Variants in SPOCK3 observed in about 807,000 individuals in gnomAD.
The protein encoded by SPOCK3 is SPARC (osteonectin), cwcv and kazal like domains proteoglycan 3.
Under a neutral mutation model 56.6 loss-of-function variants are expected in SPOCK3, and 30 were observed. The observed-to-expected ratio is 0.53, with a 90% CI of 0.40 to 0.72. SPOCK3 has a LOEUF of 0.72. Among genes scored for constraint, SPOCK3 ranks in the 30% least tolerant of loss-of-function variants. The pLI, the probability that SPOCK3 is intolerant of heterozygous loss-of-function variation, is 0.00. For synonymous variants in SPOCK3, 196 were observed against 183.3 expected (o/e 1.07, Z -0.56); for missense variants, 527 against 530.0 (o/e 0.99, Z 0.06).
intron 3 of SPOCK3, among the ~76,000 whole-genome samples, chr4:167,055,105 A>C (rs538128780): frequency 7.5e-4 from 114 of 152,290 alleles, no homozygotes; most frequent in South Asian, 3.1e-3. Flanking sequence ...TAAAAATATA[A>C]TGACAATGTA....
At chr4:167,097,192 G>T (rs1759234636) in intron 2 of SPOCK3, among the ~76,000 whole-genome samples, 1 of 151,266 alleles carries the variant, frequency 6.6e-6, no homozygotes, top group African/African-American at 2.4e-5. Flanking sequence ...TTGGGCTTTG[G>T]GTTAATATCT....
chr4:167,144,766 T>G (rs543515026), intron 2 of SPOCK3, among the ~76,000 whole-genome samples: 5 of 107,772 alleles, frequency 4.6e-5, no homozygotes, highest in African/African-American at 1.6e-4. Context: ...CAAGTGCAAT[T>G]AATCTTGATG....
chr4:166,737,464 T>C lies in SPOCK3; in HGVS notation c.1132+3A>G. 3 of 1,611,706 alleles carry C rather than the reference T, an allele frequency of 1.9e-6. No homozygotes were observed. Among genetic ancestry groups the C allele is most frequent in the Non-Finnish European group, 2.5e-6 (3 of 1,178,948 alleles). ...TTATGAAATAAGTAACCCTTCTCCT[T>C]ACCACAATCTGCAACACCATTTATT... On this transcript the variant is annotated splice_donor_region_variant and intron_variant, in intron 10 of 10. Transcript: ENST00000357545.
At chr4:166,991,305 C>T (rs1409357907) in intron 4 of SPOCK3, among the ~76,000 whole-genome samples, 1 of 151,532 alleles carries the variant, frequency 6.6e-6, no homozygotes, top group African/African-American at 2.4e-5. Context: ...TACATTTATT[C>T]CTGAAGCTGA....
chr4:166,957,222 C>T (rs890537052), intron 4 of SPOCK3, among the ~76,000 whole-genome samples: 2 of 152,146 alleles, frequency 1.3e-5, no homozygotes, highest in Non-Finnish European at 2.9e-5. Context: ...ACTGCACTCC[C>T]GCATGGGTGA....
chr4:166,740,647 G>A (rs112887936), intron 9 of SPOCK3, among the ~76,000 whole-genome samples: 29 of 151,830 alleles, frequency 1.9e-4, no homozygotes, highest in South Asian at 1.5e-3. Flanking sequence ...TGCTTCAGGC[G>A]CCAGAGTAGC....
intron 4 of SPOCK3, among the ~76,000 whole-genome samples, chr4:166,993,720 C>T (rs1464073803): frequency 1.3e-5 from 2 of 152,266 alleles, no homozygotes; most frequent in East Asian, 1.9e-4. Context: ...ATTAAATATA[C>T]AGTCACTATA....
intron 3 of SPOCK3, among the ~76,000 whole-genome samples, chr4:167,055,473 C>T (rs900871259): frequency 7.2e-5 from 11 of 152,010 alleles, no homozygotes; most frequent in Non-Finnish European, 1.0e-4. Context: ...TGCAGCACAC[C>T]GTGCGCGAGC....
In SPOCK3 at chr4:166,944,720, T is replaced by A. The variant is rs572683243; in HGVS notation, c.351-31977A>T. Among the ~76,000 whole-genome samples the A allele has an allele frequency of 2.2e-4, 32 of 148,762 alleles. 1 individual carries two copies. The South Asian group carries it at 5.9e-3, about 27-fold the overall frequency. Reference sequence around the variant, plus strand: ...ATATTATTTTTGTCACATCTTCTTATGTGGCTCATAATTTATTTTTTCCTT... The same window carrying A: ...ATATTATTTTTGTCACATCTTCTTAAGTGGCTCATAATTTATTTTTTCCTT... On this transcript the variant is annotated intron_variant, in intron 4 of 10. Coordinates refer to ENST00000357545, the MANE Select transcript of SPOCK3 (RefSeq NM_001040159.2).
intron 2 of SPOCK3, among the ~76,000 whole-genome samples, chr4:167,227,443 T>C (rs1345190581): frequency 1.3e-5 from 2 of 152,174 alleles, no homozygotes; most frequent in Non-Finnish European, 2.9e-5. Flanking sequence ...GTATTTTGAA[T>C]ATAATGTCAC....
chr4:167,116,494 AT>A (rs1761348359), intron 2 of SPOCK3, among the ~76,000 whole-genome samples: 1 of 366 alleles, frequency 2.7e-3, no homozygotes, highest in Non-Finnish European at 5.0e-3. Context: ...ACTTTTGTGT[AT>A]ATATATATAT....
chr4:166,774,857 T>C (rs899205899), intron 7 of SPOCK3, among the ~76,000 whole-genome samples: 11 of 152,192 alleles, frequency 7.2e-5, no homozygotes, highest in Non-Finnish European at 1.6e-4. Context: ...TCTTCACAAA[T>C]TCTGTTGCCA....
At chr4:167,006,512 G>A (rs1387296749) in intron 3 of SPOCK3, among the ~76,000 whole-genome samples, 1 of 151,986 alleles carries the variant, frequency 6.6e-6, no homozygotes, top group Non-Finnish European at 1.5e-5. Flanking sequence ...TCATTCTTAT[G>A]CTTACATATG....
chr4:166,964,223 T>G (rs1744458130), intron 4 of SPOCK3, among the ~76,000 whole-genome samples: 1 of 151,832 alleles, frequency 6.6e-6, no homozygotes, highest in Non-Finnish European at 1.5e-5. Context: ...AGGTATTACT[T>G]GTGAATAAAC....
At chr4:166,840,307 T>C (rs1747102961) in intron 6 of SPOCK3, among the ~76,000 whole-genome samples, 1 of 152,214 alleles carries the variant, frequency 6.6e-6, no homozygotes, top group Non-Finnish European at 1.5e-5. Flanking sequence ...CACTTGAAAA[T>C]GCTGAAAGTA....
At chr4:167,161,564 C>T (rs1259971933) in intron 2 of SPOCK3, among the ~76,000 whole-genome samples, 1 of 152,150 alleles carries the variant, frequency 6.6e-6, no homozygotes, top group Non-Finnish European at 1.5e-5. Flanking sequence ...GATTATAAAC[C>T]ATGCTGCTAT....
intron 4 of SPOCK3, among the ~76,000 whole-genome samples, chr4:166,951,619 G>A (rs1223276903): frequency 7.5e-6 from 1 of 132,866 alleles, no homozygotes; most frequent in Non-Finnish European, 1.6e-5. Flanking sequence ...GCTGGGCAGA[G>A]ACACAACCAA....
At chr4:167,094,593 C>T (rs1758985792) in intron 2 of SPOCK3, among the ~76,000 whole-genome samples, 1 of 151,944 alleles carries the variant, frequency 6.6e-6, no homozygotes, top group African/African-American at 2.4e-5. Context: ...TGAATTTGCT[C>T]ATTATGAGCA....
At chr4:167,028,857 C>G (rs1395412398) in intron 3 of SPOCK3, among the ~76,000 whole-genome samples, 1 of 152,026 alleles carries the variant, frequency 6.6e-6, no homozygotes, top group East Asian at 1.9e-4. Flanking sequence ...TTTCTACTAA[C>G]AAATCCTGAA....
Sources: gnomAD v4.1 joint callset for allele counts (sites outside exome capture counted in the v4.1 genomes callset) on GRCh38, gnomAD v4.1.1 for gene constraint, MANE v1.5 for transcripts, NCBI Gene and HGNC (gene_info 2026-07-23, HGNC 2026-07-21) for gene names.